ST6GALNAC5: variants seen among roughly 807,000 people sequenced by gnomAD.
ST6GALNAC5 encodes ST6 N-acetylgalactosaminide alpha-2,6-sialyltransferase 5, also known as alpha-N-acetylgalactosaminide alpha-2,6-sialyltransferase 5.
In ST6GALNAC5, 27 loss-of-function variants were observed where a neutral mutation model predicts 33.6. That is an observed-to-expected ratio of 0.80 (90% CI 0.59 to 1.11). ST6GALNAC5 has a LOEUF of 1.11. Among genes scored for constraint, ST6GALNAC5 ranks in the 50% least tolerant of loss-of-function variants. ST6GALNAC5 has a pLI of 0.00. For missense variants in ST6GALNAC5, 428 were observed against 454.0 expected (o/e 0.94, Z 0.52); for synonymous variants, 194 against 171.2 (o/e 1.13, Z -1.04).
intron 2 of ST6GALNAC5, among the ~76,000 whole-genome samples, chr1:76,895,298 G>C (rs996303309): frequency 6.6e-6 from 1 of 152,012 alleles, no homozygotes; most frequent in African/African-American, 2.4e-5. Context: ...TTTTGGGGGG[G>C]TGATATGGAG....
chr1:77,039,701 A>G (rs1651770651), intron 2 of ST6GALNAC5, among the ~76,000 whole-genome samples: 1 of 152,242 alleles, frequency 6.6e-6, no homozygotes, highest in South Asian at 2.1e-4. Context: ...GAACTAAGAT[A>G]GATGCCTATG....
At chr1:77,062,797 T>C (rs1652625999) in intron 4 of ST6GALNAC5, among the ~76,000 whole-genome samples, 178 bp from the exon 5 acceptor site, 1 of 152,140 alleles carries the variant, frequency 6.6e-6, no homozygotes, top group South Asian at 2.1e-4. Context: ...TGATTTTATT[T>C]CACAACCTCA....
intron 3 of ST6GALNAC5, among the ~76,000 whole-genome samples, chr1:77,048,298 G>A (rs1652083438): frequency 6.6e-6 from 1 of 152,164 alleles, no homozygotes; most frequent in Non-Finnish European, 1.5e-5. Context: ...GAATATAAGT[G>A]TGATTCCCAG....
intron 2 of ST6GALNAC5, among the ~76,000 whole-genome samples, chr1:76,994,401 C>T (rs1457565252): frequency 4.6e-5 from 7 of 152,106 alleles, no homozygotes; most frequent in Non-Finnish European, 1.0e-4. Flanking sequence ...TTTTCTGTGG[C>T]TGAAACATTC....
Position 77,063,180 on chromosome 1 carries a change from C to A in ST6GALNAC5, c.985C>A (p.His329Asn). The A allele has an allele frequency of 6.2e-7, 1 of 1,613,672 alleles. No homozygotes were observed. Among genetic ancestry groups the A allele is most frequent in the South Asian group, 1.1e-5 (1 of 91,038 alleles). ...DWKPESLAINHPENKPVF is the reference protein window; with the variant it reads ...DWKPESLAINNPENKPVF The stretch of plus-strand genomic sequence containing the variant: ...GAAACCAGAATCACTTGCTATAAAT[C>A]ATCCTGAGAATAAACCTGTGTTCTA... Residue 329 changes from histidine to asparagine, a missense_variant, in exon 5 of 5, where the codon CAT becomes AAT. Coordinates refer to ENST00000477717, the MANE Select transcript of ST6GALNAC5 (RefSeq NM_030965.3).
intron 2 of ST6GALNAC5, among the ~76,000 whole-genome samples, chr1:76,878,237 C>T (rs1032587553): frequency 6.6e-6 from 1 of 152,116 alleles, no homozygotes; most frequent in Non-Finnish European, 1.5e-5. Flanking sequence ...TGGCCTTTCC[C>T]ACCATAATAG....
intron 2 of ST6GALNAC5, among the ~76,000 whole-genome samples, chr1:76,913,280 A>C (rs1385945945): frequency 6.6e-6 from 1 of 151,680 alleles, no homozygotes; most frequent in Non-Finnish European, 1.5e-5. Flanking sequence ...GTTTCTGCCA[A>C]GAGATCTGCT....
chr1:76,939,684 A>T (rs1647281721), intron 2 of ST6GALNAC5, among the ~76,000 whole-genome samples: 1 of 152,120 alleles, frequency 6.6e-6, no homozygotes, highest in Non-Finnish European at 1.5e-5. Context: ...CTGTACGCAT[A>T]GTGGTTAAGA....
chr1:76,934,205 A>G (rs1407550999), intron 2 of ST6GALNAC5, among the ~76,000 whole-genome samples: 1 of 152,032 alleles, frequency 6.6e-6, no homozygotes, highest in Admixed American at 6.6e-5. Flanking sequence ...GCTTTTTTCA[A>G]CTCAGAAATG....
intron 2 of ST6GALNAC5, among the ~76,000 whole-genome samples, chr1:76,982,345 G>A (rs996130612): frequency 6.6e-6 from 1 of 152,180 alleles, no homozygotes; most frequent in Non-Finnish European, 1.5e-5. Flanking sequence ...GAAAACCATG[G>A]CATGAGAACT....
intron 2 of ST6GALNAC5, among the ~76,000 whole-genome samples, chr1:76,994,814 G>T (rs911544183): frequency 5.9e-5 from 9 of 152,282 alleles, no homozygotes; most frequent in African/African-American, 2.2e-4. Flanking sequence ...CCAAACTCTA[G>T]AGGAGATTAT....
intron 2 of ST6GALNAC5, among the ~76,000 whole-genome samples, chr1:76,969,383 C>T (rs1648642374): frequency 6.6e-6 from 1 of 152,204 alleles, no homozygotes. Flanking sequence ...ATATCCCATG[C>T]CGGGTTCAGC....
At chr1:77,002,221 G>A (rs1380960067) in intron 2 of ST6GALNAC5, among the ~76,000 whole-genome samples, 1 of 152,210 alleles carries the variant, frequency 6.6e-6, no homozygotes, top group Non-Finnish European at 1.5e-5. Context: ...AGTCTTGGGA[G>A]AGTGTATGTG....
In ST6GALNAC5 at chr1:77,064,676, T is replaced by G. The variant is rs1384515745; in HGVS notation, c.*1470T>G. ...TATTATAGATTTTTATTTAAACAAG[T>G]AATATTGTTCAAAAATAGTCTCTTA... On this transcript the variant is annotated 3_prime_UTR_variant, in exon 5 of 5. Transcript: ENST00000477717. 2 of 152,202 alleles carry G rather than the reference T, an allele frequency of 1.3e-5. No homozygotes were observed. Among genetic ancestry groups the G allele is most frequent in the Non-Finnish European group, 2.9e-5 (2 of 68,022 alleles). The allele number at this position is 152,202 out of a possible 1,614,324, so 9.4% of individuals were successfully genotyped here.
intron 4 of ST6GALNAC5, among the ~76,000 whole-genome samples, chr1:77,062,092 A>T (rs1434765301): frequency 6.6e-6 from 1 of 152,220 alleles, no homozygotes; most frequent in East Asian, 1.9e-4. Context: ...CTAATTCCAT[A>T]TAAATTTAGA....
chr1:76,887,007 T>C (rs1197173683), intron 2 of ST6GALNAC5, among the ~76,000 whole-genome samples: 1 of 152,206 alleles, frequency 6.6e-6, no homozygotes, highest in African/African-American at 2.4e-5. Flanking sequence ...AATGCTGCGA[T>C]GAACACTGGT....
intron 2 of ST6GALNAC5, among the ~76,000 whole-genome samples, chr1:76,912,785 C>T (rs1470544885): frequency 1.3e-5 from 2 of 152,094 alleles, no homozygotes; most frequent in African/African-American, 4.8e-5. Flanking sequence ...GGTAGATCTT[C>T]CATCCTTTTA....
chr1:77,059,801 A>T (rs1652517884), intron 4 of ST6GALNAC5, among the ~76,000 whole-genome samples: 2 of 151,844 alleles, frequency 1.3e-5, no homozygotes, highest in African/African-American at 4.8e-5. Flanking sequence ...TACATTGTTT[A>T]TTGGAATTTT....
rs906090083 is a variant in ST6GALNAC5 at position 76,868,431 on chromosome 1, G to T, written c.16-66G>T. On this transcript the variant is annotated intron_variant, in intron 1 of 4. Transcript: ENST00000477717. This position sits in a 1 kb window ranked among gnomAD's most constrained non-coding sequence, Gnocchi z 4.3. ...GAGTGACCACCGCACAGTTGTCCCCGCTGGGCGCGCTCCTCCGGTGTCTGC... is the reference window on the plus strand; with the variant it reads ...GAGTGACCACCGCACAGTTGTCCCCTCTGGGCGCGCTCCTCCGGTGTCTGC... 6 of 1,539,102 alleles carry T rather than the reference G, an allele frequency of 3.9e-6. No homozygotes were observed. In the African/African-American group the frequency reaches 4.1e-5, roughly 11 times the overall value.
Sources: gnomAD v4.1 joint callset for allele counts (sites outside exome capture counted in the v4.1 genomes callset) on GRCh38, gnomAD v4.1.1 for gene constraint, Gnocchi (gnomAD v3.1) non-coding constraint, MANE v1.5 for transcripts, NCBI Gene and HGNC (gene_info 2026-07-23, HGNC 2026-07-21) for gene names.